The following HMGB1 variants were observed in gnomAD, a reference collection of about 807,000 sequenced individuals.
The protein encoded by HMGB1 is high mobility group box 1.
For missense variants in HMGB1, 79 were observed against 253.5 expected, an observed-to-expected ratio of 0.31 and a Z score of 4.67; for synonymous variants, 81 against 84.0, an observed-to-expected ratio of 0.96 and a Z score of 0.19.
intron 1 of HMGB1, among the ~76,000 whole-genome samples, chr13:30,514,323 T>TA (rs1422252924): frequency 2.6e-5 from 4 of 151,060 alleles, no homozygotes; most frequent in African/African-American, 7.3e-5. Flanking sequence ...TAGCCATTGC[T>TA]ATTATTATCC....
intron 1 of HMGB1, among the ~76,000 whole-genome samples, chr13:30,496,707 G>A (rs1717003312): frequency 1.3e-5 from 2 of 152,174 alleles, no homozygotes; most frequent in South Asian, 4.1e-4. Flanking sequence ...TCTTTAATGG[G>A]TGAGGAAGAG....
At position 30,503,489 on chromosome 13, in the gene HMGB1, G is replaced by A. The variant is rs912959949; in HGVS notation, c.-14-39795C>T. On this transcript the variant is annotated intron_variant, in intron 1 of 4. Transcript: ENST00000405805. Reference sequence around the variant, plus strand: ...AAATCATTTTATTAAATAATAAATCGTTATTATAGTCTGTATACTGTATCT... The same window carrying A: ...AAATCATTTTATTAAATAATAAATCATTATTATAGTCTGTATACTGTATCT... 3.3e-5 allele frequency among the ~76,000 whole-genome samples: 5 copies of A among 151,832 alleles called. No homozygotes were observed. The South Asian group carries it at 8.3e-4, about 25-fold the overall frequency.
chr13:30,614,140 C>T (rs1199443721), intron 1 of HMGB1, among the ~76,000 whole-genome samples: 1 of 151,898 alleles, frequency 6.6e-6, no homozygotes, highest in African/African-American at 2.4e-5. Context: ...TAAAATTTTT[C>T]TGAAAAATAT....
intron 1 of HMGB1, among the ~76,000 whole-genome samples, chr13:30,525,455 CA>C (rs373316902): frequency 1.3e-5 from 2 of 152,174 alleles, no homozygotes; most frequent in African/African-American, 4.8e-5. Flanking sequence ...AAGACAGACT[CA>C]AAGATCCTTG....
chr13:30,571,297 T>G (rs74643532), intron 1 of HMGB1, among the ~76,000 whole-genome samples: 76 of 151,448 alleles, frequency 5.0e-4, no homozygotes, highest in Middle Eastern at 6.8e-3. Flanking sequence ...AAATGGTTTT[T>G]TTTTTTTTTT....
At chr13:30,608,521 T>G (rs1950482219) in intron 1 of HMGB1, among the ~76,000 whole-genome samples, 1 of 152,182 alleles carries the variant, frequency 6.6e-6, no homozygotes, top group African/African-American at 2.4e-5. Context: ...TACTCTTAAC[T>G]CCTTTCTAGG....
At chr13:30,535,172 C>T (rs1208502589) in intron 1 of HMGB1, among the ~76,000 whole-genome samples, 2 of 152,204 alleles carry the variant, frequency 1.3e-5, no homozygotes, top group African/African-American at 4.8e-5. Context: ...TCTGCCCTAT[C>T]ACAGAATTGT....
intron 1 of HMGB1, among the ~76,000 whole-genome samples, chr13:30,547,061 T>C (rs182766540): frequency 1.3e-5 from 2 of 152,378 alleles, no homozygotes; most frequent in Non-Finnish European, 2.9e-5. Flanking sequence ...GTGTGGCCCA[T>C]GCCAAGCCTG....
intron 2 of HMGB1, 70 bp downstream of exon 2, chr13:30,463,461 G>C (rs549783365): frequency 1.6e-5 from 24 of 1,542,566 alleles, no homozygotes; most frequent in Admixed American, 1.1e-4. Flanking sequence ...TGCCAACTAG[G>C]CTTTTTTTTG....
chr13:30,598,935 T>C (rs929805952), intron 1 of HMGB1, among the ~76,000 whole-genome samples: 4 of 151,952 alleles, frequency 2.6e-5, no homozygotes, highest in Admixed American at 1.3e-4. Context: ...TGCATATATA[T>C]GTGTATATAC....
chr13:30,464,118 G>A (rs2137402344), intron 1 of HMGB1: 1 of 981,306 alleles, frequency 1.0e-6, no homozygotes, highest in Non-Finnish European at 1.2e-6. Flanking sequence ...GCCTAAGCGA[G>A]TCGACTCTTC....
upstream of HMGB1, among the ~76,000 whole-genome samples, chr13:30,466,304 C>T (rs956391429): frequency 1.3e-5 from 2 of 151,720 alleles, no homozygotes; most frequent in African/African-American, 4.8e-5. Context: ...TCTCCCCCCC[C>T]CTTCTTGCCC....
At chr13:30,539,990 G>T in intron 1 of HMGB1, 1 of 158,160 alleles carries the variant, frequency 6.3e-6, no homozygotes, top group South Asian at 1.7e-4. Flanking sequence ...AAAACTGGGT[G>T]AAAGCACCCT....
At position 30,461,393 on chromosome 13, in the gene HMGB1, TTCTTCA is replaced by T. The variant is rs1237676748; in HGVS notation, c.606_611del (p.Asp202_Glu203del). ...CATCATCTTCTTCTTCATCTTCATC[TTCTTCA>T]TCTTCCTCCTCCTCCTCATCCTCTT... On this transcript the variant is annotated inframe_deletion, in exon 5 of 5. Transcript: ENST00000341423. The T allele has an allele frequency of 7.6e-6, 12 of 1,570,292 alleles. No individual in the cohort carries two copies. The highest frequency in any genetic ancestry group is 4.6e-4 in the Middle Eastern group (2 of 4,308).
At chr13:30,574,652 G>A (rs938897087) in intron 1 of HMGB1, among the ~76,000 whole-genome samples, 7 of 152,168 alleles carry the variant, frequency 4.6e-5, no homozygotes, top group South Asian at 2.1e-4. Context: ...GAGAATTATG[G>A]ATCCAACTTT....
At chr13:30,594,142 G>A (rs973116077) in intron 1 of HMGB1, among the ~76,000 whole-genome samples, 1 of 152,232 alleles carries the variant, frequency 6.6e-6, no homozygotes. Flanking sequence ...ATTAGCGGAA[G>A]AGAGCAAGGC....
In HMGB1 at chr13:30,527,904, C is replaced by T. The variant is rs1346626616; in HGVS notation, c.-14-64210G>A. Among the ~76,000 whole-genome samples, 4 of 152,152 alleles carry T rather than the reference C, an allele frequency of 2.6e-5. No homozygotes were observed. In the East Asian group the frequency reaches 7.7e-4, roughly 29 times the overall value. On this transcript the variant is annotated intron_variant, in intron 1 of 4. Transcript: ENST00000405805. ...GCCTTCCATAGCCCCCTAATCTATA[C>T]CCTCCTGCTGCCCTGTCTCTTTTAA...
At chr13:30,472,074 T>C (rs895604510) in intron 1 of HMGB1, among the ~76,000 whole-genome samples, 2 of 149,066 alleles carry the variant, frequency 1.3e-5, no homozygotes, top group African/African-American at 4.9e-5. Context: ...GGCCAGGAGT[T>C]CAAGACCAGC....
chr13:30,463,077 T>A, intron 3 of HMGB1, 130 bp downstream of exon 3: 1 of 917,320 alleles, frequency 1.1e-6, no homozygotes, highest in Non-Finnish European at 1.7e-6. Flanking sequence ...ATATAACCAA[T>A]ATGAACAAGT....
Sources: allele counts gnomAD v4.1 joint callset (sites outside exome capture counted in the v4.1 genomes callset), GRCh38; gene constraint gnomAD v4.1.1; transcripts MANE v1.5; gene names NCBI Gene and HGNC (gene_info 2026-07-23, HGNC 2026-07-21).